The following AMPD1 variants were observed in gnomAD, a reference collection of about 807,000 sequenced individuals.
The protein encoded by AMPD1 is adenosine monophosphate deaminase 1, also known as AMP deaminase 1.
In AMPD1, 74 loss-of-function variants were observed where a neutral mutation model predicts 82.9. The ratio of observed to expected loss-of-function variants is 0.89; its 90% CI spans 0.74 to 1.08. AMPD1 has a LOEUF of 1.08. Among genes scored for constraint, AMPD1 ranks in the 50% least tolerant of loss-of-function variants. AMPD1 has a pLI of 0.00. For missense variants in AMPD1, 881 were observed against 924.5 expected (o/e 0.95, Z 0.61); for synonymous variants, 333 against 320.5 (o/e 1.04, Z -0.42).
chr1:114,682,857 C>T (rs1432421890), intron 5 of AMPD1, among the ~76,000 whole-genome samples: 2 of 152,174 alleles, frequency 1.3e-5, no homozygotes, highest in East Asian at 1.9e-4. Context: ...GGATTATAGG[C>T]GTGAGCCACC....
intron 1 of AMPD1, among the ~76,000 whole-genome samples, chr1:114,694,191 GGGT>G (rs1658604139): frequency 1.3e-5 from 2 of 151,986 alleles, no homozygotes; most frequent in East Asian, 3.9e-4. Flanking sequence ...ACTCCAGCCT[GGGT>G]GACAGAGCGA....
chr1:114,690,979 C>T (rs1273807186), intron 2 of AMPD1, among the ~76,000 whole-genome samples: 1 of 152,190 alleles, frequency 6.6e-6, no homozygotes, highest in African/African-American at 2.4e-5. Flanking sequence ...ATCCTACTTG[C>T]TTGGTATCTG....
chr1:114,683,209 A>G (rs897155701), intron 5 of AMPD1: 25 of 407,816 alleles, frequency 6.1e-5, no homozygotes, highest in Non-Finnish European at 1.0e-4. Context: ...TCCAGAAGGC[A>G]AGAAATGATA....
chr1:114,688,036 G>C (rs979700069), intron 3 of AMPD1, among the ~76,000 whole-genome samples: 1 of 152,136 alleles, frequency 6.6e-6, no homozygotes, highest in African/African-American at 2.4e-5. Context: ...AATCAAGGGA[G>C]ATATGGACGA....
chr1:114,687,581 G>A (rs368950971), intron 3 of AMPD1, among the ~76,000 whole-genome samples: 1 of 152,126 alleles, frequency 6.6e-6, no homozygotes, highest in Non-Finnish European at 1.5e-5. Flanking sequence ...TGGTGGGATG[G>A]GGGGAGGACC....
intron 4 of AMPD1, among the ~76,000 whole-genome samples, chr1:114,685,365 A>G (rs1557972707): frequency 6.6e-6 from 1 of 152,206 alleles, no homozygotes; most frequent in Non-Finnish European, 1.5e-5. Flanking sequence ...ATGCTCAATA[A>G]GACTGATTAA....
At chr1:114,690,591 C>T (rs1172391441) in intron 2 of AMPD1, among the ~76,000 whole-genome samples, 1 of 152,126 alleles carries the variant, frequency 6.6e-6, no homozygotes, top group African/African-American at 2.4e-5. Context: ...TAAACTCAAA[C>T]AACTGAAACC....
intron 4 of AMPD1, 187 bp from the exon 5 acceptor site, chr1:114,684,551 C>G: frequency 1.6e-6 from 1 of 636,900 alleles, no homozygotes; most frequent in Non-Finnish European, 2.7e-6. Flanking sequence ...GGTCCTGAAG[C>G]TTTTCTAGCT....
At chr1:114,673,544 A>T in intron 15 of AMPD1, 95 bp downstream of exon 15, 1 of 1,067,848 alleles carries the variant, frequency 9.4e-7, no homozygotes, top group East Asian at 2.4e-5. Context: ...TGATTCGTGG[A>T]ACAATTTTTC....
intron 1 of AMPD1, 46 bp downstream of exon 1, chr1:114,695,404 A>C (rs978814047): frequency 6.2e-7 from 1 of 1,607,296 alleles, no homozygotes; most frequent in African/African-American, 1.3e-5. Context: ...TCAAAAAAAA[A>C]AAAAAACAAC....
At position 114,687,202 on chromosome 1, in the gene AMPD1, C is replaced by T. The variant is rs529781931; in HGVS notation, c.216-292G>A. On this transcript the variant is annotated intron_variant, in intron 3 of 15. Coordinates refer to ENST00000520113, the MANE Select transcript of AMPD1 (RefSeq NM_000036.3). ...GTCCACTCCCAGCAGAATAGGCAGT[C>T]TAGGAACTACAGAAAACACAGGCTA... 1.7e-4 allele frequency among the ~76,000 whole-genome samples: 26 copies of T among 152,144 alleles called. 1 individual carries two copies. The South Asian group carries it at 5.4e-3, about 32-fold the overall frequency.
intron 14 of AMPD1, 57 bp from the exon 15 acceptor site, chr1:114,673,806 C>T: frequency 3.2e-6 from 5 of 1,577,050 alleles, no homozygotes; most frequent in Non-Finnish European, 4.4e-6. Context: ...AATATGCATC[C>T]TGCCTGAAAA....
chr1:114,681,358 G>C (rs746938456), intron 5 of AMPD1, among the ~76,000 whole-genome samples: 1 of 152,114 alleles, frequency 6.6e-6, no homozygotes, highest in East Asian at 1.9e-4. Flanking sequence ...ATTTTGGGAG[G>C]CCAAGGTGGG....
chr1:114,693,502 T>C (rs924374706), intron 1 of AMPD1, 55 bp from the exon 2 acceptor site: 5 of 1,512,822 alleles, frequency 3.3e-6, no homozygotes, highest in Non-Finnish European at 3.7e-6. Context: ...TCTGTAATCA[T>C]GGTGGCTATT....
At chr1:114,690,049 T>A (rs1658467897) in intron 2 of AMPD1, among the ~76,000 whole-genome samples, 1 of 152,172 alleles carries the variant, frequency 6.6e-6, no homozygotes, top group Non-Finnish European at 1.5e-5. Flanking sequence ...CCCCACAGGA[T>A]GACAGAGCAA....
chr1:114,679,804 G>A, intron 6 of AMPD1, 96 bp from the exon 7 acceptor site: 2 of 1,450,432 alleles, frequency 1.4e-6, no homozygotes, highest in Non-Finnish European at 1.9e-6. Context: ...TCATTCATAG[G>A]AAATAATTGT....
chr1:114,674,721 G>A (rs754385699), intron 13 of AMPD1, 31 bp downstream of exon 13: 6 of 1,608,560 alleles, frequency 3.7e-6, no homozygotes, highest in Non-Finnish European at 5.1e-6. Flanking sequence ...TAGCTCCAAT[G>A]TAAAAGTTAA....
At chr1:114,691,937 A>T (rs111892769) in intron 2 of AMPD1, among the ~76,000 whole-genome samples, 2,924 of 152,248 alleles carry the variant, frequency 0.019, 50 homozygotes, top group African/African-American at 0.05. Flanking sequence ...AAATAAAAAT[A>T]AAAATTAAAA....
At chr1:114,680,883 A>AT (rs1658139921) in intron 5 of AMPD1, among the ~76,000 whole-genome samples, 1 of 152,040 alleles carries the variant, frequency 6.6e-6, no homozygotes, top group Admixed American at 6.6e-5. Flanking sequence ...CGAGAGAATC[A>AT]TTTGAATCCG....
Sources: allele counts gnomAD v4.1 joint callset (sites outside exome capture counted in the v4.1 genomes callset), GRCh38; gene constraint gnomAD v4.1.1; transcripts MANE v1.5; gene names NCBI Gene and HGNC (gene_info 2026-07-23, HGNC 2026-07-21).